The following TIAM1 variants were observed in gnomAD, a reference collection of about 807,000 sequenced individuals.
TIAM1 encodes rho guanine nucleotide exchange factor TIAM1.
A neutral mutation model predicts 163.5 loss-of-function variants in TIAM1; 65 were observed. The observed-to-expected ratio is 0.40, with a 90% CI of 0.33 to 0.49. The LOEUF is 0.49. Among genes scored for constraint, TIAM1 ranks in the 20% least tolerant of loss-of-function variants. The pLI is 0.77. For missense variants in TIAM1, 1,789 were observed against 2,044.7 expected (o/e 0.87, Z 2.41); for synonymous variants, 833 against 810.1 (o/e 1.03, Z -0.48).
At chr21:31,473,408 G>A (rs547225699) in intron 1 of TIAM1, among the ~76,000 whole-genome samples, 216 of 136,616 alleles carry the variant, frequency 1.6e-3, no homozygotes, top group African/African-American at 5.6e-3. Flanking sequence ...CTAGGCTGGG[G>A]GACAGATCAA....
At chr21:31,485,687 C>T (rs556359845) in intron 1 of TIAM1, among the ~76,000 whole-genome samples, 6 of 152,268 alleles carry the variant, frequency 3.9e-5, no homozygotes, top group South Asian at 2.1e-4. Flanking sequence ...GGGGCTTGTA[C>T]GGCTTGTGTC....
Position 31,127,109 on chromosome 21 carries a change from G to C in TIAM1, c.4089C>G (p.Ser1363=). ...CCCTCTCCGGCCTCCCTTCAGACTC[G>C]GATTTTACATGGACAATTTCACACA... The part of the protein sequence containing the change: ...NAVCEIVHVK[S]ESEGRPERVF... Residue 1363 remains serine (S), a synonymous_variant, in exon 26 of 28, where the codon TCC becomes TCG. Coordinates refer to ENST00000541036, the MANE Select transcript of TIAM1 (RefSeq NM_001353694.2). 1.2e-6 allele frequency: 2 copies of C among 1,613,944 alleles called. No homozygotes were observed. The highest frequency in any genetic ancestry group is 1.1e-5 in the South Asian group (1 of 91,072).
intron 1 of TIAM1, among the ~76,000 whole-genome samples, chr21:31,468,286 G>A (rs180850323): frequency 1.3e-5 from 2 of 151,626 alleles, no homozygotes; most frequent in East Asian, 3.9e-4. Context: ...GACTAGCCTA[G>A]CCAACATGGT....
intron 2 of TIAM1, among the ~76,000 whole-genome samples, chr21:31,352,320 T>A (rs2076247565): frequency 6.6e-6 from 1 of 152,104 alleles, no homozygotes; most frequent in Non-Finnish European, 1.5e-5. Flanking sequence ...GTGAAAGAAG[T>A]CAGACACAAA....
intron 1 of TIAM1, among the ~76,000 whole-genome samples, chr21:31,557,954 GGGCGCGAA>G (rs2048942755): frequency 6.6e-6 from 1 of 152,072 alleles, no homozygotes; most frequent in Non-Finnish European, 1.5e-5. Context: ...GGCGGGGGCT[GGGCGCGAA>G]GGCGCCGAGA....
At chr21:31,558,663 C>A (rs563682260) in intron 1 of TIAM1, among the ~76,000 whole-genome samples, 1 of 152,276 alleles carries the variant, frequency 6.6e-6, no homozygotes, top group African/African-American at 2.4e-5. Flanking sequence ...CTGGGCTGCA[C>A]GGTCTCGTCT....
At chr21:31,248,627 C>T (rs1013617441) in intron 5 of TIAM1, among the ~76,000 whole-genome samples, 3 of 152,200 alleles carry the variant, frequency 2.0e-5, no homozygotes, top group Admixed American at 1.3e-4. Context: ...CTCTATCCCA[C>T]AGTTCCAACA....
At position 31,182,619 on chromosome 21, in the gene TIAM1, C is replaced by T; in HGVS notation, c.2689G>A (p.Glu897Lys). 1 of 1,611,764 alleles carries T rather than the reference C, an allele frequency of 6.2e-7. No individual in the cohort carries two copies. Among genetic ancestry groups the T allele is most frequent in the Non-Finnish European group, 8.5e-7 (1 of 1,179,302 alleles). Residue 897 changes from glutamate to lysine, a missense_variant, in exon 15 of 28, where the codon GAG (glutamate) becomes AAG (lysine). Physicochemically the swap from Glu to Lys is moderately conservative, Grantham distance 56 (BLOSUM62 1). Transcript: ENST00000541036. ...KGLKAGDEILEINNRAADALN... is the reference protein window; with the variant it reads ...KGLKAGDEILKINNRAADALN... ...GCGTCAGCAGCACGATTATTGATCT[C>T]AAGAATCTCATCTCCTGCTTTCAGG...
chr21:31,386,992 C>T (rs2076883253), intron 2 of TIAM1, among the ~76,000 whole-genome samples: 1 of 151,958 alleles, frequency 6.6e-6, no homozygotes, highest in Non-Finnish European at 1.5e-5. Flanking sequence ...GCACCCATGG[C>T]CTGGCACCAG....
intron 12 of TIAM1, among the ~76,000 whole-genome samples, chr21:31,199,487 C>T (rs1367668577): frequency 6.6e-6 from 1 of 152,048 alleles, no homozygotes; most frequent in Non-Finnish European, 1.5e-5. Context: ...TGGCCACCCT[C>T]CCCCTGCCCA....
At chr21:31,373,405 G>A (rs947042142) in intron 2 of TIAM1, among the ~76,000 whole-genome samples, 2 of 152,102 alleles carry the variant, frequency 1.3e-5, no homozygotes, top group Non-Finnish European at 2.9e-5. Flanking sequence ...TGGCTGGGGA[G>A]GCCTCAGAAT....
At chr21:31,392,809 G>T (rs56321166) in intron 2 of TIAM1, among the ~76,000 whole-genome samples, 2 of 151,756 alleles carry the variant, frequency 1.3e-5, no homozygotes, top group Non-Finnish European at 2.9e-5. Flanking sequence ...GACTGGCACC[G>T]CCTACTCTCT....
At chr21:31,207,710 A>C (rs1168274870) in intron 11 of TIAM1, among the ~76,000 whole-genome samples, 2 of 152,150 alleles carry the variant, frequency 1.3e-5, no homozygotes, top group East Asian at 3.9e-4. Context: ...CAATTTCTGA[A>C]ATGCACACAC....
chr21:31,294,947 G>A (rs2074177539), intron 2 of TIAM1, among the ~76,000 whole-genome samples: 1 of 152,188 alleles, frequency 6.6e-6, no homozygotes, highest in African/African-American at 2.4e-5. Context: ...GGAACAGCCT[G>A]CCATCTGCGC....
chr21:31,237,995 C>T (rs1184822162), intron 6 of TIAM1, among the ~76,000 whole-genome samples: 1 of 152,182 alleles, frequency 6.6e-6, no homozygotes, highest in Non-Finnish European at 1.5e-5. Context: ...TACATGACTC[C>T]AACATTCCTG....
chr21:31,312,287 A>G (rs114829233), intron 2 of TIAM1, among the ~76,000 whole-genome samples: 69 of 152,292 alleles, frequency 4.5e-4, no homozygotes, highest in African/African-American at 1.6e-3. Flanking sequence ...AGTTAACCAC[A>G]TTAAACATCA....
At chr21:31,214,921 C>T (rs1325731892) in intron 9 of TIAM1, among the ~76,000 whole-genome samples, 1 of 151,786 alleles carries the variant, frequency 6.6e-6, no homozygotes, top group Non-Finnish European at 1.5e-5. Flanking sequence ...GCCACCACCC[C>T]GGCCAAAAAA....
chr21:31,309,875 C>G lies in TIAM1; in HGVS notation c.-189+29368G>C, dbSNP rs529876142. On this transcript the variant is annotated intron_variant, in intron 2 of 27. Coordinates refer to ENST00000541036, the MANE Select transcript of TIAM1 (RefSeq NM_001353694.2). Reference sequence around the variant, plus strand: ...TCAGGCAAAGAAGAAAAGTCTCCAGCATTTTAAAAAGTAAAAAACCCAAAT... The same window carrying G: ...TCAGGCAAAGAAGAAAAGTCTCCAGGATTTTAAAAAGTAAAAAACCCAAAT... Among the ~76,000 whole-genome samples the G allele has an allele frequency of 3.3e-4, 51 of 152,322 alleles. No individual in the cohort carries two copies. The South Asian group carries it at 0.01, about 30-fold the overall frequency.
intron 1 of TIAM1, among the ~76,000 whole-genome samples, chr21:31,540,893 A>T (rs1304143248): frequency 6.6e-6 from 1 of 152,208 alleles, no homozygotes; most frequent in Non-Finnish European, 1.5e-5. Flanking sequence ...TGTTCAATTA[A>T]CAGCAACAAA....
Sources: gnomAD v4.1 joint callset for allele counts (sites outside exome capture counted in the v4.1 genomes callset) on GRCh38, gnomAD v4.1.1 for gene constraint, MANE v1.5 for transcripts, NCBI Gene and HGNC (gene_info 2026-07-23, HGNC 2026-07-21) for gene names.